PLA2G4A: variants seen among roughly 807,000 people sequenced by gnomAD.
The protein encoded by PLA2G4A is phospholipase A2 group IVA.
PLA2G4A carries 40 observed loss-of-function variants against 81.9 expected under a neutral mutation model. The observed-to-expected ratio is 0.49, with a 90% CI of 0.38 to 0.64. The LOEUF (loss-of-function observed/expected upper bound fraction) is 0.64. Ranked by LOEUF, PLA2G4A falls within the 30% of genes least tolerant of loss-of-function variation. The pLI is 0.00. For synonymous variants in PLA2G4A, 302 were observed against 296.9 expected, an observed-to-expected ratio of 1.02 and a Z score of -0.18; for missense variants, 715 against 905.1, an observed-to-expected ratio of 0.79 and a Z score of 2.69.
intron 7 of PLA2G4A, among the ~76,000 whole-genome samples, chr1:186,913,432 C>T (rs1054057291): frequency 5.3e-5 from 8 of 151,940 alleles, no homozygotes; most frequent in African/African-American, 1.9e-4. Flanking sequence ...AATCACCTAT[C>T]TAATCTGCTT....
chr1:186,895,357 CT>C (rs1402947017), intron 5 of PLA2G4A, among the ~76,000 whole-genome samples: 3 of 152,240 alleles, frequency 2.0e-5, no homozygotes, highest in African/African-American at 7.2e-5. Flanking sequence ...GGTCCATGCA[CT>C]CCTTGGTGCT....
chr1:186,863,627 C>T (rs923167087), intron 2 of PLA2G4A, among the ~76,000 whole-genome samples: 1 of 152,092 alleles, frequency 6.6e-6, no homozygotes, highest in Non-Finnish European at 1.5e-5. Context: ...ATTCTCTCCC[C>T]CATTTTCTCC....
intron 3 of PLA2G4A, among the ~76,000 whole-genome samples, chr1:186,883,483 G>A (rs1277804201): frequency 6.6e-6 from 1 of 152,084 alleles, no homozygotes; most frequent in Admixed American, 6.6e-5. Context: ...CATATTGAGT[G>A]TTTTCAAGAC....
At chr1:186,896,156 A>G (rs1654325278) in intron 5 of PLA2G4A, among the ~76,000 whole-genome samples, 1 of 152,198 alleles carries the variant, frequency 6.6e-6, no homozygotes, top group African/African-American at 2.4e-5. Context: ...AGTAATTAAA[A>G]TAAGTGATTA....
At chr1:186,855,707 T>A (rs2223305) in intron 2 of PLA2G4A, among the ~76,000 whole-genome samples, 68,270 of 151,894 alleles carry the variant, frequency 0.45, 15,805 homozygotes, top group African/African-American at 0.48. Flanking sequence ...TTACATTGCC[T>A]TGTGGTTTTT....
At chr1:186,948,516 GAA>G (rs34068761) in intron 12 of PLA2G4A, among the ~76,000 whole-genome samples, 53,990 of 138,494 alleles carry the variant, frequency 0.39, 11,738 homozygotes, top group Non-Finnish European at 0.51. Context: ...GAAGATTTTA[GAA>G]AAAAAAAAAA....
At chr1:186,955,036 A>G (rs934077986) in intron 13 of PLA2G4A, among the ~76,000 whole-genome samples, 1 of 152,156 alleles carries the variant, frequency 6.6e-6, no homozygotes, top group Admixed American at 6.5e-5. Context: ...AAGTAACTAG[A>G]AAATAGTGGA....
intron 3 of PLA2G4A, among the ~76,000 whole-genome samples, chr1:186,872,550 T>C (rs543435029): frequency 9.9e-5 from 15 of 152,096 alleles, no homozygotes; most frequent in Non-Finnish European, 1.8e-4. Flanking sequence ...CGTTCTGTTG[T>C]GTAGAGACAA....
Position 186,956,102 on chromosome 1 carries a change from G to A in PLA2G4A, c.1337G>A (p.Gly446Asp), listed in dbSNP as rs1237867619. ...DSDDESHEPK[G>D]TENEDAGSDY... Reference sequence around the variant, plus strand: ...ATGGTGACCTTTTATTTTTCCCTAGGCACTGAAAATGAAGATGCTGGAAGT... The same window carrying A: ...ATGGTGACCTTTTATTTTTCCCTAGACACTGAAAATGAAGATGCTGGAAGT... Residue 446 changes from glycine to aspartate, a missense_variant and splice_region_variant, in exon 14 of 18, where the codon GGC (glycine) becomes GAC (aspartate). Physicochemically the swap from Gly to Asp is moderately conservative, Grantham distance 94. Coordinates refer to ENST00000367466, the MANE Select transcript of PLA2G4A (RefSeq NM_024420.3). 6.2e-7 allele frequency: 1 copy of A among 1,612,656 alleles called. No individual in the cohort carries two copies. Among genetic ancestry groups the A allele is most frequent in the Admixed American group, 1.7e-5 (1 of 59,980 alleles).
intron 2 of PLA2G4A, among the ~76,000 whole-genome samples, chr1:186,855,292 A>G (rs1046978716): frequency 4.6e-5 from 7 of 151,574 alleles, no homozygotes; most frequent in African/African-American, 1.7e-4. Flanking sequence ...GCTGCTCATT[A>G]CTGTTTTCTT....
intron 15 of PLA2G4A, among the ~76,000 whole-genome samples, chr1:186,971,725 G>A (rs868652964): frequency 6.6e-6 from 1 of 151,826 alleles, no homozygotes; most frequent in African/African-American, 2.4e-5. Flanking sequence ...TTGTTAAATT[G>A]ATAAAAATAT....
chr1:186,985,119 G>A (rs1248237391), intron 17 of PLA2G4A, among the ~76,000 whole-genome samples: 1 of 152,128 alleles, frequency 6.6e-6, no homozygotes, highest in Non-Finnish European at 1.5e-5. Context: ...ATTCCCAGAT[G>A]TCTCTGACGA....
chr1:186,869,559 T>A (rs1185466033), intron 2 of PLA2G4A, among the ~76,000 whole-genome samples: 2 of 152,168 alleles, frequency 1.3e-5, no homozygotes, highest in Admixed American at 1.3e-4. Context: ...TTTTGACAAT[T>A]TTTTTTGCCT....
chr1:186,973,031 A>G (rs1657410256), intron 15 of PLA2G4A, among the ~76,000 whole-genome samples: 1 of 152,268 alleles, frequency 6.6e-6, no homozygotes, highest in Non-Finnish European at 1.5e-5. Flanking sequence ...GCACCAATCC[A>G]CAATGGCTGG....
Position 186,940,025 on chromosome 1 carries a change from G to C in PLA2G4A, c.964G>C (p.Ala322Pro), listed in dbSNP as rs1656093723. ...LSSLKEKVNT[A>P]QCPLPLFTCL... ...CAGTTTGAAGGAAAAAGTTAATACTGCACAATGCCCTTTACCTCTTTTCAC... is the reference window on the plus strand; with the variant it reads ...CAGTTTGAAGGAAAAAGTTAATACTCCACAATGCCCTTTACCTCTTTTCAC... Residue 322 changes from alanine (A) to proline (P), a missense_variant, in exon 10 of 18, where the codon GCA becomes CCA. Ala to Pro is a conservative substitution (Grantham distance 27). Coordinates refer to ENST00000367466, the MANE Select transcript of PLA2G4A (RefSeq NM_024420.3). The C allele has an allele frequency of 6.2e-7, 1 of 1,607,780 alleles. No individual in the cohort carries two copies.
In PLA2G4A at chr1:186,939,683, G is replaced by A. The variant is rs557822170; in HGVS notation, c.919-297G>A. ...TTCGTTGAAGATAAAGCAGAGGAGC[G>A]CCTGTGACAGGGAGTCCAGGGGCTA... On this transcript the variant is annotated intron_variant, in intron 9 of 17. Coordinates refer to ENST00000367466, the MANE Select transcript of PLA2G4A (RefSeq NM_024420.3). Among the ~76,000 whole-genome samples the A allele has an allele frequency of 3.9e-5, 6 of 152,234 alleles. No individual in the cohort carries two copies. The South Asian group carries it at 8.3e-4, about 21-fold the overall frequency.
chr1:186,949,025 T>C (rs1656439632), intron 12 of PLA2G4A, among the ~76,000 whole-genome samples: 1 of 152,136 alleles, frequency 6.6e-6, no homozygotes, highest in Non-Finnish European at 1.5e-5. Flanking sequence ...GACTTTAAGG[T>C]AAATTGGGCT....
intron 1 of PLA2G4A, among the ~76,000 whole-genome samples, chr1:186,833,190 A>C (rs1297383639): frequency 1.3e-5 from 2 of 152,206 alleles, no homozygotes; most frequent in East Asian, 3.9e-4. Flanking sequence ...AGAGTTTGAG[A>C]CCAGCCTGGT....
chr1:186,923,969 A>T (rs1655455200), intron 7 of PLA2G4A, among the ~76,000 whole-genome samples: 1 of 152,224 alleles, frequency 6.6e-6, no homozygotes, highest in Non-Finnish European at 1.5e-5. Context: ...TATAAAATTG[A>T]CATACTCCAT....
Sources: allele counts gnomAD v4.1 joint callset (sites outside exome capture counted in the v4.1 genomes callset), GRCh38; gene constraint gnomAD v4.1.1; transcripts MANE v1.5; gene names NCBI Gene and HGNC (gene_info 2026-07-23, HGNC 2026-07-21).